The following CDS2 variants were observed in gnomAD, a reference collection of about 807,000 sequenced individuals.
CDS2 encodes the protein phosphatidate cytidylyltransferase 2.
Under a neutral mutation model 59.0 loss-of-function variants are expected in CDS2, and 47 were observed. The ratio of observed to expected loss-of-function variants is 0.80; its 90% CI spans 0.63 to 1.02. CDS2 has a LOEUF of 1.02. Among genes scored for constraint, CDS2 ranks in the 50% least tolerant of loss-of-function variants. The pLI, the probability that CDS2 is intolerant of heterozygous loss-of-function variation, is 0.00. For synonymous variants in CDS2, 207 were observed against 206.4 expected, an observed-to-expected ratio of 1.00 and a Z score of -0.02; for missense variants, 356 against 558.9, an observed-to-expected ratio of 0.64 and a Z score of 3.66.
At chr20:5,153,163 T>A (rs979357966) in intron 1 of CDS2, among the ~76,000 whole-genome samples, 4 of 152,202 alleles carry the variant, frequency 2.6e-5, no homozygotes, top group Non-Finnish European at 5.9e-5. Flanking sequence ...CATGCACAGA[T>A]CACTTGGAAA....
chr20:5,169,813 TAC>T (rs1339186859), intron 1 of CDS2, among the ~76,000 whole-genome samples: 2 of 152,220 alleles, frequency 1.3e-5, no homozygotes, highest in African/African-American at 4.8e-5. Context: ...GACACCACCT[TAC>T]ACAGTTTTGA....
chr20:5,143,109 G>C (rs1338895190), intron 1 of CDS2, among the ~76,000 whole-genome samples: 1 of 152,058 alleles, frequency 6.6e-6, no homozygotes, highest in Non-Finnish European at 1.5e-5. Context: ...CTCCCACAGT[G>C]CTGGTATTAT....
intron 1 of CDS2, among the ~76,000 whole-genome samples, chr20:5,137,372 T>A (rs536808754): frequency 2.6e-5 from 4 of 151,590 alleles, no homozygotes; most frequent in Admixed American, 2.6e-4. Context: ...GCCTCCCTAG[T>A]AGCTGGGACA....
chr20:5,141,069 C>T (rs938527457), intron 1 of CDS2, among the ~76,000 whole-genome samples: 2 of 152,216 alleles, frequency 1.3e-5, no homozygotes, highest in African/African-American at 2.4e-5. Flanking sequence ...CTGACCATCT[C>T]CTCCTCCCCT....
chr20:5,131,502 A>G (rs1165403683), intron 1 of CDS2, among the ~76,000 whole-genome samples: 4 of 152,244 alleles, frequency 2.6e-5, no homozygotes, highest in African/African-American at 9.6e-5. Flanking sequence ...TTGAGTTGGC[A>G]TTTCAGGAGA....
chr20:5,187,660 C>G (rs945155722), intron 10 of CDS2: 1 of 152,060 alleles, frequency 6.6e-6, no homozygotes, highest in Non-Finnish European at 1.5e-5. Flanking sequence ...GCAGGCAGAT[C>G]TCTTGAGGTC....
intron 10 of CDS2, among the ~76,000 whole-genome samples, chr20:5,188,817 T>G (rs2091090200): frequency 6.6e-6 from 1 of 152,088 alleles, no homozygotes; most frequent in Non-Finnish European, 1.5e-5. Context: ...AACCAGGGGC[T>G]TCATCACTTC....
rs1468252293 is a variant in CDS2 at position 5,178,932 on chromosome 20, A to G, written c.505A>G (p.Ile169Val). ...GATTCTCAGTAAATACCACCGGTTC[A>G]TTTCCTTTACTCTCTATCTAATAGG... The part of the protein sequence containing the change: ...LRILSKYHRF[I>V]SFTLYLIGFC... The change falls in exon 5 of 13, where the codon ATT (isoleucine) becomes GTT (valine). Residue 169 changes from isoleucine to valine, a missense_variant. Physicochemically the swap from Ile to Val is conservative, Grantham distance 29. Around this residue, in one of 5 missense-constraint regions of CDS2, gnomAD observed 87 missense variants for 193.3 expected, o/e 0.45. Transcript: ENST00000460006. The G allele has an allele frequency of 6.2e-7, 1 of 1,614,058 alleles. No individual in the cohort carries two copies. Among genetic ancestry groups the G allele is most frequent in the Non-Finnish European group, 8.5e-7 (1 of 1,179,954 alleles).
At chr20:5,128,030 A>T (rs2090570273) in intron 1 of CDS2, 1 of 152,270 alleles carries the variant, frequency 6.6e-6, no homozygotes. Context: ...GACCAGACTG[A>T]GGGAGCCTGG....
chr20:5,157,281 A>G (rs1171742403), intron 1 of CDS2, among the ~76,000 whole-genome samples: 1 of 152,194 alleles, frequency 6.6e-6, no homozygotes, highest in Non-Finnish European at 1.5e-5. Context: ...GACATATGGT[A>G]GGTGCAGACT....
intron 9 of CDS2, 148 bp from the exon 10 acceptor site, chr20:5,186,539 G>A (rs774101215): frequency 7.4e-6 from 4 of 543,226 alleles, no homozygotes; most frequent in South Asian, 2.3e-5. Flanking sequence ...GGTAAAATAT[G>A]TATGGTAAAA....
intron 12 of CDS2, 52 bp from the exon 13 acceptor site, chr20:5,190,050 C>T: frequency 1.3e-6 from 2 of 1,598,858 alleles, no homozygotes; most frequent in South Asian, 2.2e-5. Context: ...TAATCAGGCC[C>T]TGGAAGCTTC....
At chr20:5,130,916 C>G (rs1358862046) in intron 1 of CDS2, among the ~76,000 whole-genome samples, 7 of 151,088 alleles carry the variant, frequency 4.6e-5, no homozygotes, top group Non-Finnish European at 5.9e-5. Context: ...ATGGTGAAAC[C>G]CCATCTCTAC....
chr20:5,179,319 G>A (rs1049388416), intron 5 of CDS2, among the ~76,000 whole-genome samples: 18 of 152,074 alleles, frequency 1.2e-4, no homozygotes, highest in Non-Finnish European at 1.5e-4. Flanking sequence ...ACCGAGTTTC[G>A]CCATGTTGGC....
rs1462267482 is a variant in CDS2 at position 5,187,111 on chromosome 20, G to C, written c.981+272G>C. ...TTTTAGTTGCGGGGGTAGGGTGGGG[G>C]GGTCTGTGAGGTCACAACTGTTTCA... On this transcript the variant is annotated intron_variant, in intron 10 of 12. Coordinates refer to ENST00000460006, the MANE Select transcript of CDS2 (RefSeq NM_003818.4). 2.0e-5 allele frequency: 7 copies of C among 352,748 alleles called. No homozygotes were observed. In the South Asian group the frequency reaches 2.5e-4, roughly 13 times the overall value. The allele number at this position is 352,748 out of a possible 1,614,324, so 21.9% of individuals were successfully genotyped here. A position where few individuals can be genotyped will look rare whatever the true frequency, so the allele number is the denominator to read the frequency against.
chr20:5,134,521 TTATC>T (rs2090632838), intron 1 of CDS2, among the ~76,000 whole-genome samples: 3 of 152,176 alleles, frequency 2.0e-5, no homozygotes, highest in Admixed American at 2.0e-4. Context: ...TTATTTTTAT[TTATC>T]TATTTATTTT....
intron 1 of CDS2, among the ~76,000 whole-genome samples, chr20:5,135,562 G>A (rs1241938338): frequency 6.6e-6 from 1 of 152,148 alleles, no homozygotes; most frequent in Non-Finnish European, 1.5e-5. Flanking sequence ...ACTGGGCAGG[G>A]TTCCTGCCTT....
At chr20:5,136,461 A>G (rs1357893581) in intron 1 of CDS2, among the ~76,000 whole-genome samples, 1 of 152,188 alleles carries the variant, frequency 6.6e-6, no homozygotes, top group African/African-American at 2.4e-5. Context: ...GGAGACTTCA[A>G]CATTTCAGGA....
At chr20:5,189,968 A>G (rs2091100492) in intron 12 of CDS2, 130 bp downstream of exon 12, 4 of 1,372,028 alleles carry the variant, frequency 2.9e-6, no homozygotes, top group South Asian at 2.7e-5. Flanking sequence ...TTCTGCTTAC[A>G]GATTTTCTGA....
Sources: gnomAD v4.1 joint callset for allele counts (sites outside exome capture counted in the v4.1 genomes callset) on GRCh38, gnomAD v4.1.1 for gene constraint, gnomAD v4.1.1 regional missense constraint, MANE v1.5 for transcripts, NCBI Gene and HGNC (gene_info 2026-07-23, HGNC 2026-07-21) for gene names.